PPP1R2: variants seen among roughly 807,000 people sequenced by gnomAD.
The protein encoded by PPP1R2 is protein phosphatase inhibitor 2.
PPP1R2 carries 16 observed loss-of-function variants against 29.9 expected under a neutral mutation model. The ratio of observed to expected loss-of-function variants is 0.53; its 90% CI spans 0.36 to 0.81. PPP1R2 has a LOEUF of 0.81. Ranked by LOEUF, PPP1R2 falls within the 30% of genes least tolerant of loss-of-function variation. The probability of loss-of-function intolerance (pLI) is 0.00; values close to 1 mark genes in which losing one functional copy is unlikely to be tolerated. For missense variants in PPP1R2, 197 were observed against 252.7 expected (o/e 0.78, Z 1.49); for synonymous variants, 76 against 91.5 (o/e 0.83, Z 0.96).
chr3:195,536,293 TAAAAAA>T (rs10645669), intron 1 of PPP1R2, among the ~76,000 whole-genome samples: 1 of 115,528 alleles, frequency 8.7e-6, no homozygotes, highest in Non-Finnish European at 1.7e-5. Context: ...ACCCTGTCTT[TAAAAAA>T]AAAAAAAAAA....
chr3:195,537,952 C>T lies in PPP1R2; in HGVS notation c.122+4952G>A, dbSNP rs140002943. On this transcript the variant is annotated intron_variant, in intron 1 of 5. Coordinates refer to ENST00000618156, the MANE Select transcript of PPP1R2 (RefSeq NM_006241.8). Reference sequence around the variant, plus strand: ...AGCAGGGGACACTGGATATGAAAGTCGGCATCTCTAAAGTGATGGCAGAAT... The same window carrying T: ...AGCAGGGGACACTGGATATGAAAGTTGGCATCTCTAAAGTGATGGCAGAAT... Among the ~76,000 whole-genome samples the T allele has an allele frequency of 3.9e-4, 59 of 152,286 alleles. 1 individual carries two copies. In the East Asian group the frequency reaches 0.01, roughly 27 times the overall value.
Position 195,543,133 on chromosome 3 carries a change from G to A in PPP1R2, c.-108C>T, listed in dbSNP as rs894821382. On this transcript the variant is annotated 5_prime_UTR_variant, in exon 1 of 6. Transcript: ENST00000618156. ...CAGGCAGCCGCAGATCCCGCTCAGG[G>A]CTAAAGCGGCCGCAACTGCTGCCTC... The A allele has an allele frequency of 2.3e-5, 32 of 1,376,516 alleles. No homozygotes were observed. In the Admixed American group the frequency reaches 5.8e-4, roughly 25 times the overall value. The allele number at this position is 1,376,516 out of a possible 1,614,324, so 85.3% of individuals were successfully genotyped here.
At chr3:195,525,704 A>C (rs533114825) in intron 2 of PPP1R2, among the ~76,000 whole-genome samples, 1 of 152,298 alleles carries the variant, frequency 6.6e-6, no homozygotes, top group African/African-American at 2.4e-5. Context: ...CTCTAATGAA[A>C]AATTTGCTCC....
chr3:195,542,965 T>C lies in PPP1R2; in HGVS notation c.61A>G (p.Thr21Ala), dbSNP rs966884226. 2 of 1,603,402 alleles carry C rather than the reference T, an allele frequency of 1.2e-6. No individual in the cohort carries two copies. The highest frequency in any genetic ancestry group is 1.7e-6 in the Non-Finnish European group (2 of 1,174,904). ...IKGILKNKTS[T>A]TSSMVASAEQ... is the part of the protein sequence containing the mutation. ...GCCGACGCCACCATAGAGGAAGTCG[T>C]AGAGGTCTTGTTCTTCAAGATCCCC... Residue 21 changes from threonine to alanine, a missense_variant, in exon 1 of 6, where the codon ACG (threonine) becomes GCG (alanine). Around this residue, in one of 3 missense-constraint regions of PPP1R2, gnomAD observed 54 missense variants for 60.6 expected, o/e 0.89. Coordinates refer to ENST00000618156, the MANE Select transcript of PPP1R2 (RefSeq NM_006241.8).
intron 2 of PPP1R2, among the ~76,000 whole-genome samples, chr3:195,528,472 T>A (rs1719056837): frequency 6.6e-6 from 1 of 152,156 alleles, no homozygotes; most frequent in Non-Finnish European, 1.5e-5. Context: ...TTTTTATTTT[T>A]ACTGTTTTTG....
chr3:195,524,727 C>G lies in PPP1R2; in HGVS notation c.308+92G>C, dbSNP rs563802030. Reference sequence around the variant, plus strand: ...ATGTTGATCAACAGCCTTTTCTTCCCGCTCATACAGGGACAGCCACGCAGG... The same window carrying G: ...ATGTTGATCAACAGCCTTTTCTTCCGGCTCATACAGGGACAGCCACGCAGG... On this transcript the variant is annotated intron_variant, in intron 3 of 5. Coordinates refer to ENST00000618156, the MANE Select transcript of PPP1R2 (RefSeq NM_006241.8). 3 of 1,193,158 alleles carry G rather than the reference C, an allele frequency of 2.5e-6. No homozygotes were observed. The African/African-American group carries it at 4.6e-5, about 18-fold the overall frequency. 73.9% of individuals were successfully genotyped at this position (1,193,158 alleles called of 1,614,324 possible). A position where few individuals can be genotyped will look rare whatever the true frequency, so the allele number is the denominator to read the frequency against.
chr3:195,541,571 A>G (rs1719600841), intron 1 of PPP1R2, among the ~76,000 whole-genome samples: 1 of 149,744 alleles, frequency 6.7e-6, no homozygotes, highest in South Asian at 2.1e-4. Flanking sequence ...TGCTGAGATT[A>G]CAGGCGTGAG....
intron 1 of PPP1R2, among the ~76,000 whole-genome samples, chr3:195,530,683 G>A (rs1248750323): frequency 5.9e-5 from 9 of 151,336 alleles, no homozygotes; most frequent in African/African-American, 1.9e-4. Context: ...GCACCACCAC[G>A]CCCAGCTAAT....
chr3:195,528,699 AC>A (rs1719065926), intron 2 of PPP1R2: 1 of 107,988 alleles, frequency 9.3e-6, no homozygotes, highest in African/African-American at 3.3e-5. Flanking sequence ...GTAGGGCATA[AC>A]TATTTTTTTT....
chr3:195,543,070 G>A lies in PPP1R2; in HGVS notation c.-45C>T, dbSNP rs762879296. On this transcript the variant is annotated 5_prime_UTR_variant, in exon 1 of 6. Transcript: ENST00000618156. ...CGGCTCAGGGTCGCTGCTTGGCGTG[G>A]GGTCCGCGAAGAGAAGGGTCGGCAC... 7 of 1,574,500 alleles carry A rather than the reference G, an allele frequency of 4.4e-6. No homozygotes were observed. The highest frequency in any genetic ancestry group is 1.4e-5 in the African/African-American group (1 of 73,556).
In PPP1R2 at chr3:195,543,176, CG is replaced by C. The variant is rs1314264280; in HGVS notation, c.-152del. ...GCTGCCTCGGAAACGGCTACCGCAG[CG>C]GTTGTCACGACACAACGACCCCGAC... On this transcript the variant is annotated 5_prime_UTR_variant, in exon 1 of 6. Coordinates refer to ENST00000618156, the MANE Select transcript of PPP1R2 (RefSeq NM_006241.8). The C allele has an allele frequency of 6.9e-5, 76 of 1,098,044 alleles. No individual in the cohort carries two copies. Among genetic ancestry groups the C allele is most frequent in the Non-Finnish European group, 9.2e-5 (74 of 804,200 alleles). The allele number at this position is 1,098,044 out of a possible 1,614,324, so 68.0% of individuals were successfully genotyped here. A position where few individuals can be genotyped will look rare whatever the true frequency, so the allele number is the denominator to read the frequency against.
chr3:195,517,476 T>G (rs1198308777), intron 5 of PPP1R2, among the ~76,000 whole-genome samples: 1 of 152,132 alleles, frequency 6.6e-6, no homozygotes, highest in Non-Finnish European at 1.5e-5. Flanking sequence ...ATCCTATTCT[T>G]GTGGGTTTTA....
At chr3:195,528,213 A>T (rs1211020834) in intron 2 of PPP1R2, among the ~76,000 whole-genome samples, 1 of 152,110 alleles carries the variant, frequency 6.6e-6, no homozygotes, top group Non-Finnish European at 1.5e-5. Context: ...TCCCGCTTAT[A>T]AGTGAGAACA....
chr3:195,534,661 C>T (rs541271073), intron 1 of PPP1R2, among the ~76,000 whole-genome samples: 1 of 152,176 alleles, frequency 6.6e-6, no homozygotes, highest in East Asian at 1.9e-4. Context: ...GTTCTGTCCC[C>T]AGGGTAAGGA....
intron 1 of PPP1R2, among the ~76,000 whole-genome samples, chr3:195,535,662 G>A (rs1032494921): frequency 2.0e-5 from 3 of 152,154 alleles, no homozygotes; most frequent in African/African-American, 4.8e-5. Flanking sequence ...CAGAGGATAC[G>A]GAAGAATATG....
Position 195,516,830 on chromosome 3 carries a change from G to T in PPP1R2, c.*66C>A. The T allele has an allele frequency of 7.2e-7, 1 of 1,392,278 alleles. No individual in the cohort carries two copies. Among genetic ancestry groups the T allele is most frequent in the East Asian group, 2.3e-5 (1 of 43,604 alleles). 86.2% of individuals were successfully genotyped at this position (1,392,278 alleles called of 1,614,324 possible). ...TTAAGTCATGAATTGTGAAGAACAA[G>T]AAGCAACGTACTATAGTCACAGGGT... On this transcript the variant is annotated 3_prime_UTR_variant, in exon 6 of 6. Coordinates refer to ENST00000618156, the MANE Select transcript of PPP1R2 (RefSeq NM_006241.8).
rs1234363804 is a variant in PPP1R2 at position 195,519,028 on chromosome 3, T to G, written c.561A>C (p.Glu187Asp). 7 of 1,606,534 alleles carry G rather than the reference T, an allele frequency of 4.4e-6. No individual in the cohort carries two copies. The Admixed American group carries it at 8.4e-5, about 19-fold the overall frequency. The change falls in exon 5 of 6, where the codon GAA becomes GAC. Residue 187 changes from glutamate (E) to aspartate (D), a missense_variant. By Grantham distance (45) the Glu-to-Asp change is conservative. Transcript: ENST00000618156. Reference protein sequence around the residue: ...TADGESMNTEESNQGSTPSDQ... With the variant: ...TADGESMNTEDSNQGSTPSDQ... ...TTCCAAACATCTAACCTTGATTTGA[T>G]TCTTCCGTATTCATGCTTTCTCCAT...
chr3:195,535,821 T>C (rs1404292660), intron 1 of PPP1R2, among the ~76,000 whole-genome samples: 3 of 152,176 alleles, frequency 2.0e-5, no homozygotes, highest in African/African-American at 4.8e-5. Flanking sequence ...TAGTACCACA[T>C]AGAAGCATCT....
At chr3:195,530,383 T>C (rs760430178) in intron 1 of PPP1R2, among the ~76,000 whole-genome samples, 2 of 152,204 alleles carry the variant, frequency 1.3e-5, no homozygotes, top group African/African-American at 4.8e-5. Context: ...GAAAACCTCA[T>C]CAAACTCAGA....
Sources: allele counts gnomAD v4.1 joint callset (sites outside exome capture counted in the v4.1 genomes callset), GRCh38; gene constraint gnomAD v4.1.1; regional missense constraint gnomAD v4.1.1; transcripts MANE v1.5; gene names NCBI Gene and HGNC (gene_info 2026-07-23, HGNC 2026-07-21).